The following FAM171A2 variants were observed in gnomAD, a reference collection of about 807,000 sequenced individuals.
FAM171A2 encodes family with sequence similarity 171 member A2.
FAM171A2 carries 13 observed loss-of-function variants against 34.2 expected under a neutral mutation model. The observed-to-expected ratio is 0.38, with a 90% confidence interval of 0.25 to 0.60. The LOEUF is 0.60. Among genes scored for constraint, FAM171A2 ranks in the 20% least tolerant of loss-of-function variants. FAM171A2 has a pLI of 0.62. For missense variants in FAM171A2, 950 were observed against 1,180.7 expected (o/e 0.80, Z 2.86); for synonymous variants, 475 against 561.2 (o/e 0.85, Z 2.17).
Position 44,355,297 on chromosome 17 carries a change from G to A in FAM171A2, c.1023-106C>T. The A allele has an allele frequency of 6.8e-7, 1 of 1,471,416 alleles. No individual in the cohort carries two copies. The highest frequency in any genetic ancestry group is 9.0e-7 in the Non-Finnish European group (1 of 1,115,372). The allele number at this position is 1,471,416 out of a possible 1,614,324, so 91.1% of individuals were successfully genotyped here. A position where few individuals can be genotyped will look rare whatever the true frequency, so the allele number is the denominator to read the frequency against. On this transcript the variant is annotated intron_variant, in intron 7 of 7. Coordinates refer to ENST00000293443, the MANE Select transcript of FAM171A2 (RefSeq NM_198475.3). This position sits in a 1 kb window ranked among gnomAD's most constrained non-coding sequence, Gnocchi z 4.1. ...AAGAGACGAATATAGTGGAAGAGGT[G>A]GGGAGAATGCCTGGGGCGCTCAGGA...
At position 44,355,140 on chromosome 17, in the gene FAM171A2, C is replaced by A. The variant is rs1851145054; in HGVS notation, c.1074G>T (p.Gly358=). The A allele has an allele frequency of 3.9e-6, 6 of 1,551,024 alleles. No individual in the cohort carries two copies. The highest frequency in any genetic ancestry group is 5.2e-6 in the Non-Finnish European group (6 of 1,146,936). ...RQQHRKLQLS[G]PSDGNKRDQA... ...GGTCTCGTTTGTTACCGTCAGAGGGCCCCGAGAGCTGCAGCTTGCGGTGCT... is the reference window on the plus strand; with the variant it reads ...GGTCTCGTTTGTTACCGTCAGAGGGACCCGAGAGCTGCAGCTTGCGGTGCT... Residue 358 remains glycine (G), a synonymous_variant, in exon 8 of 8, where the codon GGG becomes GGT. Coordinates refer to ENST00000293443, the MANE Select transcript of FAM171A2 (RefSeq NM_198475.3). The surrounding 1 kb of genome is among the most constrained non-coding windows in gnomAD (Gnocchi z 4.1).
chr17:44,360,965 T>C (rs2048445442), intron 1 of FAM171A2, among the ~76,000 whole-genome samples: 1 of 152,208 alleles, frequency 6.6e-6, no homozygotes. Context: ...TCAGTCACCA[T>C]GGCAACGCCC....
Position 44,354,134 on chromosome 17 carries a change from C to T in FAM171A2, c.2080G>A (p.Glu694Lys). 1.7e-6 allele frequency: 2 copies of T among 1,183,966 alleles called. No individual in the cohort carries two copies. The highest frequency in any genetic ancestry group is 2.1e-6 in the Non-Finnish European group (2 of 953,776). The allele number at this position is 1,183,966 out of a possible 1,614,324, so 73.3% of individuals were successfully genotyped here. Residue 694 changes from glutamate (E) to lysine (K), a missense_variant, in exon 8 of 8, where the codon GAG (glutamate) becomes AAG (lysine). By Grantham distance (56) the Glu-to-Lys change is moderately conservative. Coordinates refer to ENST00000293443, the MANE Select transcript of FAM171A2 (RefSeq NM_198475.3). The surrounding 1 kb of genome is among the most constrained non-coding windows in gnomAD (Gnocchi z 5.8). ...GGCCGGCGGCGCGCGGGCCGCGCCT[C>T]GTGGACATCTACGCCCGAGTCCAGG... ...ASLDSGVDVH[E>K]ARPARRRPAR...
chr17:44,356,990 G>A (rs533702408), intron 3 of FAM171A2, among the ~76,000 whole-genome samples: 1 of 152,184 alleles, frequency 6.6e-6, no homozygotes, highest in Non-Finnish European at 1.5e-5. Context: ...ACACGTGGCT[G>A]TTAAGCATTT....
At position 44,361,311 on chromosome 17, in the gene FAM171A2, C is replaced by T. The variant is rs140807483; in HGVS notation, c.119-1179G>A. Among the ~76,000 whole-genome samples the T allele has an allele frequency of 6.2e-4, 94 of 152,344 alleles. No individual in the cohort carries two copies. In the South Asian group the frequency reaches 9.1e-3, roughly 15 times the overall value. ...CACTTCGCCCCTACCTTCCTGCTAACAAGGTGTGTCATGCATGTATGGACA... is the reference window on the plus strand; with the variant it reads ...CACTTCGCCCCTACCTTCCTGCTAATAAGGTGTGTCATGCATGTATGGACA... On this transcript the variant is annotated intron_variant, in intron 1 of 7. Transcript: ENST00000293443.
chr17:44,356,631 G>A (rs749016593), intron 3 of FAM171A2, 43 bp from the exon 4 acceptor site: 1 of 1,500,060 alleles, frequency 6.7e-7, no homozygotes, highest in East Asian at 2.5e-5. Context: ...CATGGACAGG[G>A]ATCCCCAGGG....
intron 3 of FAM171A2, 77 bp downstream of exon 3, chr17:44,359,502 A>C: frequency 8.0e-7 from 1 of 1,249,646 alleles, no homozygotes; most frequent in Non-Finnish European, 1.1e-6. Context: ...ACACCCAGCT[A>C]ATATAGGACA....
intron 3 of FAM171A2, 87 bp downstream of exon 3, chr17:44,359,492 A>G: frequency 8.7e-7 from 1 of 1,150,258 alleles, no homozygotes; most frequent in Non-Finnish European, 1.3e-6. Context: ...TTGCCCAAGG[A>G]CACCCAGCTA....
intron 1 of FAM171A2, 81 bp from the exon 2 acceptor site, chr17:44,360,213 G>A: frequency 8.1e-7 from 1 of 1,229,184 alleles, no homozygotes; most frequent in Non-Finnish European, 1.1e-6. Flanking sequence ...TCAGAGGAAG[G>A]AGCTGTGTTT....
At position 44,355,802 on chromosome 17, in the gene FAM171A2, GT is replaced by G; in HGVS notation, c.934del (p.Thr312ProfsTer34). The part of the protein sequence containing the change: ...TITSGIQDIG[T>X]YHTIFLLTIL... ...GGTGAGCAAGAAGATGGTGTGGTAG[GT>G]GCCGATGTCCTGGATGCCCGACGTG... is the stretch of plus-strand genomic sequence containing the variant. On this transcript the variant is annotated frameshift_variant, in exon 7 of 8. Coordinates refer to ENST00000293443, the MANE Select transcript of FAM171A2 (RefSeq NM_198475.3). LOFTEE classifies it high-confidence loss of function. The surrounding 1 kb of genome is among the most constrained non-coding windows in gnomAD (Gnocchi z 4.1). 2.6e-6 allele frequency: 4 copies of G among 1,551,776 alleles called. No homozygotes were observed. The highest frequency in any genetic ancestry group is 3.5e-6 in the Non-Finnish European group (4 of 1,147,036).
chr17:44,354,757 C>A lies in FAM171A2; in HGVS notation c.1457G>T (p.Gly486Val). 1 of 1,314,232 alleles carries A rather than the reference C, an allele frequency of 7.6e-7. No individual in the cohort carries two copies. Among genetic ancestry groups the A allele is most frequent in the Admixed American group, 4.0e-5 (1 of 25,176 alleles). 81.4% of individuals were successfully genotyped at this position (1,314,232 alleles called of 1,614,324 possible). Residue 486 changes from glycine (G) to valine (V), a missense_variant, in exon 8 of 8, where the codon GGC (glycine) becomes GTC (valine). By Grantham distance (109) the Gly-to-Val change is moderately radical (BLOSUM62 -3). This residue lies in a region of FAM171A2 where 752 missense variants were observed against 924.5 expected (regional missense o/e 0.81). Transcript: ENST00000293443. The surrounding 1 kb of genome is among the most constrained non-coding windows in gnomAD (Gnocchi z 5.8). Reference sequence around the variant, plus strand: ...CTTGCCCTCGGCCGCCCCCTTGTGGCCCAGGTAGTGGTCGAAGGGCGGCGG... The same window carrying A: ...CTTGCCCTCGGCCGCCCCCTTGTGGACCAGGTAGTGGTCGAAGGGCGGCGG... ...SPPPPFDHYL[G>V]HKGAAEGKTP... is the part of the protein sequence containing the mutation.
In FAM171A2 at chr17:44,359,930, C is replaced by A; in HGVS notation, c.321G>T (p.Val107=). The A allele has an allele frequency of 6.5e-7, 1 of 1,547,288 alleles. No individual in the cohort carries two copies. The highest frequency in any genetic ancestry group is 2.0e-5 in the Admixed American group (1 of 50,856). Residue 107 remains valine (V), a synonymous_variant, in exon 2 of 8, where the codon GTG becomes GTT. Transcript: ENST00000293443. ...AARPGFLTNS[V]PWRVDKLPLY... is the part of the protein sequence containing the mutation. The stretch of plus-strand genomic sequence containing the variant: ...AGGGCAGCTTGTCAACACGCCAGGG[C>A]ACAGAGTTGGTGAGGAAGCCAGGGC...
Position 44,359,631 on chromosome 17 carries a change from C to T in FAM171A2, c.387G>A (p.Pro129=), listed in dbSNP as rs763127850. ...SVSLYLLPER[P]ATLILYEDLV... ...GGTCCTCATAGAGGATGAGCGTGGC[C>T]GGCCGCTCAGGGAGCAGGTAGAGGC... Residue 129 remains proline, a synonymous_variant, in exon 3 of 8, where the codon CCG becomes CCA. Transcript: ENST00000293443. The T allele has an allele frequency of 4.4e-5, 68 of 1,550,834 alleles. No homozygotes were observed. The highest frequency in any genetic ancestry group is 9.8e-5 in the East Asian group (4 of 40,918).
At position 44,354,308 on chromosome 17, in the gene FAM171A2, C is replaced by A; in HGVS notation, c.1906G>T (p.Ala636Ser). The change falls in exon 8 of 8, where the codon GCC becomes TCC. Residue 636 changes from alanine to serine, a missense_variant. Ala to Ser is a moderately conservative substitution (Grantham distance 99). This residue lies in a region of FAM171A2 where 752 missense variants were observed against 924.5 expected (regional missense o/e 0.81). Coordinates refer to ENST00000293443, the MANE Select transcript of FAM171A2 (RefSeq NM_198475.3). The surrounding 1 kb of genome is among the most constrained non-coding windows in gnomAD (Gnocchi z 5.8). ...TMAQLNGELQALTEKKLLELG... is the reference protein window; with the variant it reads ...TMAQLNGELQSLTEKKLLELG... ...TCCAGCAGCTTCTTCTCGGTCAGGG[C>A]CTGCAGCTCCCCGTTGAGCTGCGCC... 1 of 1,451,958 alleles carries A rather than the reference C, an allele frequency of 6.9e-7. No homozygotes were observed. Among genetic ancestry groups the A allele is most frequent in the Non-Finnish European group, 9.2e-7 (1 of 1,092,410 alleles). The allele number at this position is 1,451,958 out of a possible 1,614,324, so 89.9% of individuals were successfully genotyped here. A position where few individuals can be genotyped will look rare whatever the true frequency, so the allele number is the denominator to read the frequency against.
chr17:44,355,152 C>A lies in FAM171A2; in HGVS notation c.1062G>T (p.Leu354=), dbSNP rs1285479473. ...TACCGTCAGAGGGCCCCGAGAGCTGCAGCTTGCGGTGCTGTTGCCTCGGCT... is the reference window on the plus strand; with the variant it reads ...TACCGTCAGAGGGCCCCGAGAGCTGAAGCTTGCGGTGCTGTTGCCTCGGCT... ...CLKPRQQHRK[L]QLSGPSDGNK... is the part of the protein sequence containing the mutation. Residue 354 remains leucine, a synonymous_variant, in exon 8 of 8, where the codon CTG becomes CTT. Coordinates refer to ENST00000293443, the MANE Select transcript of FAM171A2 (RefSeq NM_198475.3). The surrounding 1 kb of genome is among the most constrained non-coding windows in gnomAD (Gnocchi z 4.1). 6.4e-7 allele frequency: 1 copy of A among 1,550,974 alleles called. No individual in the cohort carries two copies. Among genetic ancestry groups the A allele is most frequent in the Non-Finnish European group, 8.7e-7 (1 of 1,146,906 alleles).
rs1479077027 is a variant in FAM171A2, at chr17:44,355,388, A to T, written c.1023-197T>A. On this transcript the variant is annotated intron_variant, in intron 7 of 7. Transcript: ENST00000293443. The surrounding 1 kb of genome is among the most constrained non-coding windows in gnomAD (Gnocchi z 4.1). ...CAGGGTCAACTCTGCACTCCTCTGC[A>T]TGTAGGATGTGCTGCGAGAACCAGG... Among the ~76,000 whole-genome samples the T allele has an allele frequency of 6.6e-6, 1 of 152,204 alleles. No homozygotes were observed. The highest frequency in any genetic ancestry group is 1.5e-5 in the Non-Finnish European group (1 of 68,018).
intron 3 of FAM171A2, among the ~76,000 whole-genome samples, chr17:44,358,144 C>G (rs1290699546): frequency 6.6e-6 from 1 of 152,184 alleles, no homozygotes; most frequent in Non-Finnish European, 1.5e-5. Context: ...GTGGAAGACT[C>G]AGCCAGGAAA....
Position 44,353,708 on chromosome 17 carries a change from G to T in FAM171A2, c.*25C>A. The T allele has an allele frequency of 7.6e-7, 1 of 1,308,294 alleles. No homozygotes were observed. Among genetic ancestry groups the T allele is most frequent in the Non-Finnish European group, 9.7e-7 (1 of 1,029,060 alleles). The allele number at this position is 1,308,294 out of a possible 1,614,324, so 81.0% of individuals were successfully genotyped here. A position where few individuals can be genotyped will look rare whatever the true frequency, so the allele number is the denominator to read the frequency against. ...CCTGGGTGCGGGCCCGCGCGGGAGG[G>T]GCGGTGCCAGGCCCTGCGCGGGCGC... is the stretch of plus-strand genomic sequence containing the variant. On this transcript the variant is annotated 3_prime_UTR_variant, in exon 8 of 8. Coordinates refer to ENST00000293443, the MANE Select transcript of FAM171A2 (RefSeq NM_198475.3).
chr17:44,355,199 G>T lies in FAM171A2; in HGVS notation c.1023-8C>A. On this transcript the variant is annotated splice_polypyrimidine_tract_variant and splice_region_variant and intron_variant, in intron 7 of 7. Transcript: ENST00000293443. This position sits in a 1 kb window ranked among gnomAD's most constrained non-coding sequence, Gnocchi z 4.1. ...GGCTTCAGGCAGCGCCTCCTGGAAG[G>T]GAGGGAGCAGAAGGGGCCGCTCAGG... 6.5e-7 allele frequency: 1 copy of T among 1,550,348 alleles called. No individual in the cohort carries two copies. Among genetic ancestry groups the T allele is most frequent in the Middle Eastern group, 1.7e-4 (1 of 5,970 alleles).
Sources: gnomAD v4.1 joint callset for allele counts (sites outside exome capture counted in the v4.1 genomes callset) on GRCh38, gnomAD v4.1.1 for gene constraint, gnomAD v4.1.1 regional missense constraint, Gnocchi (gnomAD v3.1) non-coding constraint, MANE v1.5 for transcripts, NCBI Gene and HGNC (gene_info 2026-07-23, HGNC 2026-07-21) for gene names.